The following ATRX variants were observed in gnomAD, a reference collection of about 807,000 sequenced individuals.
ATRX encodes the protein ATRX chromatin remodeler, also known as chromatin remodeler ATRX.
Under a neutral mutation model 172.6 loss-of-function variants are expected in ATRX, and 12 were observed. That is an observed-to-expected ratio of 0.07 (90% CI 0.04 to 0.11). ATRX has a LOEUF of 0.11. ATRX is among the 10% of genes least tolerant of loss of function. The probability of loss-of-function intolerance (pLI) is 1.00; values close to 1 mark genes in which losing one functional copy is unlikely to be tolerated. For synonymous variants in ATRX, 674 were observed against 594.7 expected, an observed-to-expected ratio of 1.13 and a Z score of -1.94; for missense variants, 1,368 against 1,767.4, an observed-to-expected ratio of 0.77 and a Z score of 4.05.
Position 77,683,736 on chromosome X carries a change from G to T in ATRX, c.1520C>A (p.Ala507Asp), listed in dbSNP as rs2148620646. ...CATGTCTAAATCTTCAGAAGTGTTG[G>T]CAGGTTCATATTGAGGTTCTTCTTT... ...DRKEEPQYEP[A>D]NTSEDLDMDI... Residue 507 changes from alanine (A) to aspartate (D), a missense_variant, in exon 9 of 35, where the codon GCC (alanine) becomes GAC (aspartate). This residue lies in a region of ATRX where 843 missense variants were observed against 643.1 expected (regional missense o/e 1.31). Coordinates refer to ENST00000373344, the MANE Select transcript of ATRX (RefSeq NM_000489.6). The T allele has an allele frequency of 8.3e-7, 1 of 1,210,807 alleles. No individual in the cohort carries two copies.
intron 1 of ATRX, among the ~76,000 whole-genome samples, chrX:77,732,600 C>T (rs1005497010): frequency 8.9e-6 from 1 of 111,844 alleles, no homozygotes; most frequent in Non-Finnish European, 1.9e-5. Flanking sequence ...TGGAGTTTAT[C>T]CCTTGGATGC....
chrX:77,779,805 A>G (rs888750340), intron 1 of ATRX, among the ~76,000 whole-genome samples: 2 of 112,272 alleles, frequency 1.8e-5, no homozygotes, highest in African/African-American at 3.2e-5. Flanking sequence ...TGCCAGAACA[A>G]TAATTTCTTA....
chrX:77,538,916 T>C (rs1217395101), intron 30 of ATRX, among the ~76,000 whole-genome samples: 1 of 104,345 alleles, frequency 9.6e-6, no homozygotes, highest in African/African-American at 3.5e-5. Flanking sequence ...TTTTTTTTGA[T>C]ACAGAGTCTC....
At chrX:77,770,902 T>C (rs782613896) in intron 1 of ATRX, among the ~76,000 whole-genome samples, 2 of 112,176 alleles carry the variant, frequency 1.8e-5, no homozygotes, top group Non-Finnish European at 3.8e-5. Context: ...TCCCTTCCTA[T>C]TTTCCTACTT....
In ATRX at chrX:77,683,866, G is replaced by C. The variant is rs202011714; in HGVS notation, c.1390C>G (p.Leu464Val). The C allele has an allele frequency of 5.0e-6, 6 of 1,208,280 alleles. No individual in the cohort carries two copies. Among genetic ancestry groups the C allele is most frequent in the East Asian group, 3.0e-5 (1 of 33,780 alleles). Residue 464 changes from leucine to valine, a missense_variant, in exon 9 of 35, where the codon CTT becomes GTT. Around this residue, in one of 17 missense-constraint regions of ATRX, gnomAD observed 843 missense variants for 643.1 expected, o/e 1.31. Coordinates refer to ENST00000373344, the MANE Select transcript of ATRX (RefSeq NM_000489.6). Reference sequence around the variant, plus strand: ...TCACTATCTACCTGTTTTCTTGAAAGTTTAGCTTCTGACTTTGAAATATCC... The same window carrying C: ...TCACTATCTACCTGTTTTCTTGAAACTTTAGCTTCTGACTTTGAAATATCC... ...KKDISKSEAK[L>V]SRKQVDSEHM...
At chrX:77,628,617 ACTTT>A (rs1557104323) in intron 19 of ATRX, among the ~76,000 whole-genome samples, 1 of 111,809 alleles carries the variant, frequency 8.9e-6, no homozygotes, top group African/African-American at 3.2e-5. Context: ...AAATGTTGTC[ACTTT>A]CTTTTTTAAG....
Position 77,681,615 on chromosome X carries a change from T to A in ATRX, c.3641A>T (p.Asn1214Ile), listed in dbSNP as rs144527582. 6.3e-5 allele frequency: 76 copies of A among 1,205,054 alleles called. No individual in the cohort carries two copies. The African/African-American group carries it at 1.2e-3, about 20-fold the overall frequency. The change falls in exon 9 of 35, where the codon AAT becomes ATT. Residue 1214 changes from asparagine (N) to isoleucine (I), a missense_variant. Coordinates refer to ENST00000373344, the MANE Select transcript of ATRX (RefSeq NM_000489.6). ...ATCGCTGCTTCCCTCACCTATAGAATTCTGATCATCATCTTCTATATCAGA... is the reference window on the plus strand; with the variant it reads ...ATCGCTGCTTCCCTCACCTATAGAAATCTGATCATCATCTTCTATATCAGA... ...SSSDIEDDDQ[N>I]SIGEGSSDEQ...
intron 1 of ATRX, among the ~76,000 whole-genome samples, chrX:77,754,834 G>A: frequency 9.0e-6 from 1 of 111,496 alleles, no homozygotes; most frequent in Non-Finnish European, 1.9e-5. Flanking sequence ...TTCTCAAGGA[G>A]TATCTTTGTG....
intron 10 of ATRX, chrX:77,674,789 T>A (rs1294481244): frequency 9.0e-6 from 1 of 111,255 alleles, no homozygotes; most frequent in African/African-American, 3.3e-5. Flanking sequence ...AGAGTAAAAT[T>A]TTAAATGCTT....
In ATRX at chrX:77,683,887, T is replaced by C. The variant is rs782770179; in HGVS notation, c.1369A>G (p.Ile457Val). 1.7e-6 allele frequency: 2 copies of C among 1,209,264 alleles called. No homozygotes were observed. The highest frequency in any genetic ancestry group is 2.2e-6 in the Non-Finnish European group (2 of 893,289). ...EKPCALEKKD[I>V]SKSEAKLSRK... ...GAAAGTTTAGCTTCTGACTTTGAAA[T>C]ATCCTTCTTTTCCAAAGCACAAGGT... Residue 457 changes from isoleucine to valine, a missense_variant, in exon 9 of 35, where the codon ATT becomes GTT. Physicochemically the swap from Ile to Val is conservative, Grantham distance 29 (BLOSUM62 3). Coordinates refer to ENST00000373344, the MANE Select transcript of ATRX (RefSeq NM_000489.6).
chrX:77,555,192 T>C (rs1469281644), intron 30 of ATRX, among the ~76,000 whole-genome samples: 3 of 111,227 alleles, frequency 2.7e-5, no homozygotes, highest in Non-Finnish European at 5.7e-5. Flanking sequence ...TAATGATCAT[T>C]AAATAAGTCA....
intron 1 of ATRX, among the ~76,000 whole-genome samples, chrX:77,776,824 G>C (rs1470128867): frequency 2.7e-5 from 3 of 111,633 alleles, no homozygotes; most frequent in African/African-American, 9.8e-5. Flanking sequence ...AAATGAGGTA[G>C]CTGGTAGATG....
intron 30 of ATRX, among the ~76,000 whole-genome samples, chrX:77,524,094 C>A (rs1245560424): frequency 9.0e-6 from 1 of 111,480 alleles, no homozygotes; most frequent in Non-Finnish European, 1.9e-5. Context: ...CATTTATATA[C>A]TCAGTAAGAA....
At chrX:77,735,639 A>AAATAAAT (rs2074519529) in intron 1 of ATRX, among the ~76,000 whole-genome samples, 4 of 63,155 alleles carry the variant, frequency 6.3e-5, no homozygotes, top group Admixed American at 5.9e-4. Flanking sequence ...AATAAATAAA[A>AAATAAAT]ATAAATACAA....
chrX:77,702,175 G>A (rs1557154126), intron 2 of ATRX, among the ~76,000 whole-genome samples: 1 of 112,645 alleles, frequency 8.9e-6, no homozygotes, highest in Non-Finnish European at 1.9e-5. Flanking sequence ...GGGCGCAGTG[G>A]CTCACGCCTG....
rs2070858116 is a variant in ATRX, at chrX:77,676,239, C to A, written c.3796G>T (p.Asp1266Tyr). The A allele has an allele frequency of 8.3e-7, 1 of 1,204,652 alleles. No homozygotes were observed. Among genetic ancestry groups the A allele is most frequent in the African/African-American group, 1.8e-5 (1 of 56,891 alleles). The change falls in exon 10 of 35, where the codon GAT (aspartate) becomes TAT (tyrosine). Residue 1266 changes from aspartate (D) to tyrosine (Y), a missense_variant. Coordinates refer to ENST00000373344, the MANE Select transcript of ATRX (RefSeq NM_000489.6). ...ATGGAATCATACCTATTCTCAGGAT[C>A]ATTGTCGTCATCATCATCATCCACT... The part of the protein sequence containing the change: ...VTVDDDDDDN[D>Y]PENRIAKKML...
chrX:77,569,918 G>A (rs1557066487), intron 28 of ATRX, among the ~76,000 whole-genome samples: 1 of 111,923 alleles, frequency 8.9e-6, no homozygotes, highest in African/African-American at 3.2e-5. Flanking sequence ...TGTAGGTCTA[G>A]ACAAGATTAT....
intron 1 of ATRX, among the ~76,000 whole-genome samples, chrX:77,780,392 T>A (rs1041921109): frequency 5.4e-5 from 6 of 110,620 alleles, no homozygotes; most frequent in Non-Finnish European, 1.1e-4. Flanking sequence ...AGTGGCGCAA[T>A]CTCAGCTCAC....
intron 6 of ATRX, among the ~76,000 whole-genome samples, chrX:77,692,358 T>C (rs1029400747): frequency 8.9e-6 from 1 of 111,894 alleles, no homozygotes; most frequent in African/African-American, 3.2e-5. Context: ...TGAACTAGAT[T>C]CTCAGAAAGA....
Sources: allele counts gnomAD v4.1 joint callset (sites outside exome capture counted in the v4.1 genomes callset), GRCh38; gene constraint gnomAD v4.1.1; regional missense constraint gnomAD v4.1.1; transcripts MANE v1.5; gene names NCBI Gene and HGNC (gene_info 2026-07-23, HGNC 2026-07-21).